The following LUZP2 variants were observed in gnomAD, a reference collection of about 807,000 sequenced individuals.
LUZP2 encodes leucine zipper protein 2.
LUZP2 carries 52 observed loss-of-function variants against 51.6 expected under a neutral mutation model. The ratio of observed to expected loss-of-function variants is 1.01; its 90% CI spans 0.81 to 1.27. The LOEUF is 1.27. Ranked by LOEUF, LUZP2 falls within the 50% of genes most tolerant of loss-of-function variation. The pLI is 0.00. For synonymous variants in LUZP2, 154 were observed against 137.3 expected, an observed-to-expected ratio of 1.12 and a Z score of -0.85; for missense variants, 436 against 395.4, an observed-to-expected ratio of 1.10 and a Z score of -0.87.
chr11:25,027,838 C>T (rs1857537822), intron 9 of LUZP2, among the ~76,000 whole-genome samples: 1 of 149,226 alleles, frequency 6.7e-6, no homozygotes, highest in South Asian at 2.2e-4. Flanking sequence ...CCACTGCACT[C>T]CAGCCTGGGC....
At chr11:24,836,093 T>C (rs772494847) in intron 5 of LUZP2, among the ~76,000 whole-genome samples, 11 of 151,970 alleles carry the variant, frequency 7.2e-5, no homozygotes, top group Non-Finnish European at 1.6e-4. Context: ...TGTTTCACTT[T>C]CAAAGTTTGG....
chr11:24,560,105 C>T (rs1851988203), intron 1 of LUZP2, among the ~76,000 whole-genome samples: 1 of 152,030 alleles, frequency 6.6e-6, no homozygotes, highest in Non-Finnish European at 1.5e-5. Context: ...CACATGCACC[C>T]CAGTGTGATG....
chr11:24,524,677 C>T (rs879565263), intron 1 of LUZP2, among the ~76,000 whole-genome samples: 18 of 151,546 alleles, frequency 1.2e-4, no homozygotes, highest in Non-Finnish European at 1.6e-4. Flanking sequence ...AAGTGATTTA[C>T]GTAATTATGA....
At chr11:24,592,993 G>A (rs893066297) in intron 1 of LUZP2, among the ~76,000 whole-genome samples, 2 of 152,054 alleles carry the variant, frequency 1.3e-5, no homozygotes, top group Non-Finnish European at 2.9e-5. Flanking sequence ...ACACAAAATG[G>A]TTTTGTGTTC....
intron 1 of LUZP2, among the ~76,000 whole-genome samples, chr11:24,599,674 A>G (rs953777702): frequency 6.6e-6 from 1 of 152,142 alleles, no homozygotes; most frequent in Non-Finnish European, 1.5e-5. Context: ...CTTTCTCCTC[A>G]GTTACCATAT....
intron 9 of LUZP2, among the ~76,000 whole-genome samples, chr11:25,009,674 A>G (rs1856931408): frequency 2.6e-5 from 4 of 152,204 alleles, no homozygotes; most frequent in African/African-American, 9.6e-5. Flanking sequence ...TTTTGAGATT[A>G]TCTGAAATGT....
At chr11:24,831,131 AACTG>A (rs766681826) in intron 5 of LUZP2, among the ~76,000 whole-genome samples, 12 of 152,354 alleles carry the variant, frequency 7.9e-5, no homozygotes, top group African/African-American at 1.7e-4. Context: ...AAACACAAAC[AACTG>A]ACTATCTAGC....
chr11:25,003,210 G>T (rs896961014), intron 9 of LUZP2, among the ~76,000 whole-genome samples: 2 of 152,168 alleles, frequency 1.3e-5, no homozygotes, highest in Non-Finnish European at 2.9e-5. Context: ...ACATACTGAA[G>T]GACCAGAGTG....
rs1038215308 is a variant in LUZP2 at position 24,500,947 on chromosome 11, G to A, written c.62+3642G>A. The stretch of plus-strand genomic sequence containing the variant: ...ACTAACCTCAAGATCAACTTGATTT[G>A]TAGAATAAAGGACAAGAATCACAAT... On this transcript the variant is annotated intron_variant, in intron 1 of 11. Coordinates refer to ENST00000336930, the MANE Select transcript of LUZP2 (RefSeq NM_001009909.4). Among the ~76,000 whole-genome samples, 64 of 152,156 alleles carry A rather than the reference G, an allele frequency of 4.2e-4. 1 individual carries two copies. Among genetic ancestry groups the A allele is most frequent in the African/African-American group, 1.4e-3 (57 of 41,436 alleles).
intron 1 of LUZP2, among the ~76,000 whole-genome samples, chr11:24,664,074 G>A (rs909689806): frequency 1.3e-5 from 2 of 152,162 alleles, no homozygotes; most frequent in African/African-American, 4.8e-5. Flanking sequence ...AAAAAATGTG[G>A]AAGCGATTTT....
intron 7 of LUZP2, among the ~76,000 whole-genome samples, chr11:24,955,668 C>CA (rs918314307): frequency 4.0e-5 from 6 of 151,852 alleles, no homozygotes; most frequent in African/African-American, 1.5e-4. Flanking sequence ...GGGATTTGAA[C>CA]AAAAAACGTG....
intron 5 of LUZP2, among the ~76,000 whole-genome samples, chr11:24,802,694 T>C (rs563821347): frequency 2.0e-5 from 3 of 152,082 alleles, no homozygotes; most frequent in Admixed American, 2.0e-4. Context: ...ACCACTCTTT[T>C]ATTTGTCTCT....
At chr11:24,794,244 A>G (rs1434558121) in intron 5 of LUZP2, among the ~76,000 whole-genome samples, 2 of 152,168 alleles carry the variant, frequency 1.3e-5, no homozygotes, top group South Asian at 2.1e-4. Context: ...TCATTGCACA[A>G]TGTAATACTC....
intron 4 of LUZP2, among the ~76,000 whole-genome samples, chr11:24,753,283 G>A (rs539871271): frequency 1.3e-5 from 2 of 152,262 alleles, no homozygotes; most frequent in East Asian, 3.9e-4. Flanking sequence ...ACTAAGGCGA[G>A]AAATAGGGGA....
At chr11:24,882,339 C>T (rs908412803) in intron 5 of LUZP2, among the ~76,000 whole-genome samples, 10 of 149,496 alleles carry the variant, frequency 6.7e-5, no homozygotes, top group African/African-American at 2.0e-4. Context: ...AAATCAAGTA[C>T]GGAGTTCTGA....
At chr11:24,699,735 T>C (rs1235858285) in intron 1 of LUZP2, among the ~76,000 whole-genome samples, 2 of 147,150 alleles carry the variant, frequency 1.4e-5, no homozygotes, top group Admixed American at 1.4e-4. Flanking sequence ...GTGCTATATA[T>C]ATTTATACAT....
intron 5 of LUZP2, among the ~76,000 whole-genome samples, chr11:24,867,268 G>A (rs571710061): frequency 1.3e-5 from 2 of 152,110 alleles, no homozygotes; most frequent in South Asian, 2.1e-4. Flanking sequence ...AGCCCCCCAG[G>A]GATATACAAG....
chr11:24,604,428 T>C (rs1165518164), intron 1 of LUZP2, among the ~76,000 whole-genome samples: 2 of 151,804 alleles, frequency 1.3e-5, no homozygotes, highest in African/African-American at 4.8e-5. Flanking sequence ...CAAGATATAA[T>C]GAAACAAAAA....
At chr11:24,572,689 C>CAAA (rs1407474678) in intron 1 of LUZP2, among the ~76,000 whole-genome samples, 7 of 151,976 alleles carry the variant, frequency 4.6e-5, no homozygotes, top group Non-Finnish European at 1.0e-4. Flanking sequence ...TGTCTCTCTG[C>CAAA]ATCAGGGATT....
Sources: gnomAD v4.1 joint callset for allele counts (sites outside exome capture counted in the v4.1 genomes callset) on GRCh38, gnomAD v4.1.1 for gene constraint, MANE v1.5 for transcripts, NCBI Gene and HGNC (gene_info 2026-07-23, HGNC 2026-07-21) for gene names.